Variants in TNFRSF8 observed in about 807,000 individuals in gnomAD.
TNFRSF8 encodes tumor necrosis factor receptor superfamily member 8.
TNFRSF8 carries 26 observed loss-of-function variants against 70.8 expected under a neutral mutation model. That is an observed-to-expected ratio of 0.37 (90% CI 0.27 to 0.51). The LOEUF is 0.51. TNFRSF8 is among the 20% of genes least tolerant of loss of function. TNFRSF8 has a pLI of 0.94. For synonymous variants in TNFRSF8, 356 were observed against 339.2 expected (o/e 1.05, Z -0.54); for missense variants, 720 against 807.9 (o/e 0.89, Z 1.32).
At chr1:12,065,734 T>A (rs1640729205) in intron 1 of TNFRSF8, among the ~76,000 whole-genome samples, 1 of 152,236 alleles carries the variant, frequency 6.6e-6, no homozygotes, top group South Asian at 2.1e-4. Flanking sequence ...TCTTTTAAAA[T>A]GCTATGTGAT....
chr1:12,123,121 GC>G (rs1241231957), intron 8 of TNFRSF8, among the ~76,000 whole-genome samples, 162 bp from the exon 9 acceptor site: 1 of 152,208 alleles, frequency 6.6e-6, no homozygotes. Flanking sequence ...GAGCCAATGT[GC>G]CTGGCCAGCT....
rs1641594943 is a variant in TNFRSF8 at position 12,109,751 on chromosome 1, G to T, written c.512+95G>T. ...GGACGCCCATGGTACAACTGGGCTGGGGGTGTAAGCGGGATTCAGCCCATG... is the reference window on the plus strand; with the variant it reads ...GGACGCCCATGGTACAACTGGGCTGTGGGTGTAAGCGGGATTCAGCCCATG... On this transcript the variant is annotated intron_variant, in intron 5 of 14. Transcript: ENST00000263932. The surrounding 1 kb of genome is among the most constrained non-coding windows in gnomAD (Gnocchi z 4.4). 8.8e-7 allele frequency: 1 copy of T among 1,130,144 alleles called. No individual in the cohort carries two copies. Among genetic ancestry groups the T allele is most frequent in the South Asian group, 1.4e-5 (1 of 74,048 alleles). 70.0% of individuals were successfully genotyped at this position (1,130,144 alleles called of 1,614,324 possible).
chr1:12,139,520 G>T (rs1052405592), intron 14 of TNFRSF8, among the ~76,000 whole-genome samples: 4 of 152,072 alleles, frequency 2.6e-5, no homozygotes, highest in Non-Finnish European at 5.9e-5. Context: ...CCCCTACCCG[G>T]TGTCCTAGCA....
chr1:12,094,773 G>C (rs942291664), intron 2 of TNFRSF8, among the ~76,000 whole-genome samples: 4 of 151,796 alleles, frequency 2.6e-5, no homozygotes, highest in Non-Finnish European at 5.9e-5. Context: ...TTACAGGAGT[G>C]TACCACCATG....
intron 1 of TNFRSF8, among the ~76,000 whole-genome samples, chr1:12,079,006 G>A (rs924577301): frequency 2.6e-5 from 4 of 152,144 alleles, no homozygotes; most frequent in Admixed American, 2.6e-4. Flanking sequence ...AGCGCACAGC[G>A]GTGGAGATCC....
At chr1:12,116,015 C>G (rs1043046242) in intron 8 of TNFRSF8, among the ~76,000 whole-genome samples, 1 of 152,092 alleles carries the variant, frequency 6.6e-6, no homozygotes, top group African/African-American at 2.4e-5. Context: ...GAGTTTCGCT[C>G]ATGTTGCCCA....
At chr1:12,082,929 G>C (rs2100965702) in intron 1 of TNFRSF8, among the ~76,000 whole-genome samples, 1 of 152,018 alleles carries the variant, frequency 6.6e-6, no homozygotes, top group African/African-American at 2.4e-5. Flanking sequence ...CGTGTATCTA[G>C]AATATGTAAA....
In TNFRSF8 at chr1:12,116,718, T is replaced by G. The variant is rs11569896; in HGVS notation, c.946+989T>G. 3.1e-3 allele frequency among the ~76,000 whole-genome samples: 470 copies of G among 152,204 alleles called. 3 individuals carry two copies. Among genetic ancestry groups the G allele is most frequent in the African/African-American group, 0.011 (438 of 41,536 alleles). On this transcript the variant is annotated intron_variant, in intron 8 of 14. Transcript: ENST00000263932. ...AGGAGGTTGAGGCAGGAGAATCGCT[T>G]GAACCCGGGAGGCATAGGTTGCAGT...
chr1:12,089,541 G>A (rs138066466), intron 2 of TNFRSF8, among the ~76,000 whole-genome samples: 10 of 152,252 alleles, frequency 6.6e-5, no homozygotes, highest in East Asian at 5.8e-4. Context: ...GTATGTGGGC[G>A]TGGAAGGGAG....
chr1:12,063,792 C>T lies in TNFRSF8; in HGVS notation c.63+131C>T. 1 of 838,614 alleles carries T rather than the reference C, an allele frequency of 1.2e-6. No homozygotes were observed. Among genetic ancestry groups the T allele is most frequent in the Non-Finnish European group, 1.6e-6 (1 of 626,522 alleles). 51.9% of individuals were successfully genotyped at this position (838,614 alleles called of 1,614,324 possible). A position where few individuals can be genotyped will look rare whatever the true frequency, so the allele number is the denominator to read the frequency against. On this transcript the variant is annotated intron_variant, in intron 1 of 14. Transcript: ENST00000263932. The surrounding 1 kb of genome is among the most constrained non-coding windows in gnomAD (Gnocchi z 7.2). ...AGCTGGAGTGAGGGGGCGCGGGTGACAAGCAGGAACACCGGAATATGCTAG... is the reference window on the plus strand; with the variant it reads ...AGCTGGAGTGAGGGGGCGCGGGTGATAAGCAGGAACACCGGAATATGCTAG...
intron 1 of TNFRSF8, among the ~76,000 whole-genome samples, chr1:12,079,191 G>C (rs1252812266): frequency 1.3e-5 from 2 of 152,200 alleles, no homozygotes; most frequent in African/African-American, 4.8e-5. Context: ...AACTTTAACT[G>C]GTCTTGTAGG....
intron 1 of TNFRSF8, among the ~76,000 whole-genome samples, chr1:12,070,370 C>T (rs985667551): frequency 2.0e-5 from 3 of 152,112 alleles, no homozygotes. Context: ...CTCGCCTTAG[C>T]CTCCCGAGTA....
chr1:12,080,893 G>T (rs1445820872), intron 1 of TNFRSF8, among the ~76,000 whole-genome samples: 1 of 152,164 alleles, frequency 6.6e-6, no homozygotes, highest in African/African-American at 2.4e-5. Flanking sequence ...TGGGTAGCCT[G>T]TGGCCCAGAG....
chr1:12,139,639 A>T (rs1164479912), intron 14 of TNFRSF8, among the ~76,000 whole-genome samples: 1 of 152,228 alleles, frequency 6.6e-6, no homozygotes, highest in Non-Finnish European at 1.5e-5. Flanking sequence ...CTGGAAGGGT[A>T]ACTGGCACTG....
intron 10 of TNFRSF8, among the ~76,000 whole-genome samples, chr1:12,125,648 C>G (rs1380025774): frequency 6.6e-6 from 1 of 152,228 alleles, no homozygotes; most frequent in Non-Finnish European, 1.5e-5. Flanking sequence ...ACACCGGGCC[C>G]TCGTCCACAG....
intron 3 of TNFRSF8, among the ~76,000 whole-genome samples, chr1:12,097,840 T>C (rs1641356974): frequency 6.6e-6 from 1 of 152,134 alleles, no homozygotes; most frequent in South Asian, 2.1e-4. Flanking sequence ...AGTGTATGGG[T>C]GTTTTAAAAT....
chr1:12,134,160 A>C (rs139222014), intron 12 of TNFRSF8, among the ~76,000 whole-genome samples: 9 of 152,210 alleles, frequency 5.9e-5, no homozygotes, highest in African/African-American at 2.2e-4. Context: ...ACTGGTGAGC[A>C]TATCTGTGAG....
intron 2 of TNFRSF8, among the ~76,000 whole-genome samples, chr1:12,084,911 G>A (rs1203579615): frequency 6.6e-6 from 1 of 152,134 alleles, no homozygotes; most frequent in Non-Finnish European, 1.5e-5. Context: ...ATTTGCAGAT[G>A]AGGCTACTGG....
intron 2 of TNFRSF8, among the ~76,000 whole-genome samples, chr1:12,092,940 G>T (rs1210914318): frequency 6.6e-6 from 1 of 152,014 alleles, no homozygotes; most frequent in African/African-American, 2.4e-5. Flanking sequence ...CGAGTAGCTG[G>T]GATTACAGGC....
Sources: gnomAD v4.1 joint callset for allele counts (sites outside exome capture counted in the v4.1 genomes callset) on GRCh38, gnomAD v4.1.1 for gene constraint, Gnocchi (gnomAD v3.1) non-coding constraint, MANE v1.5 for transcripts, NCBI Gene and HGNC (gene_info 2026-07-23, HGNC 2026-07-21) for gene names.